The following PUM2 variants were observed in gnomAD, a reference collection of about 807,000 sequenced individuals.
PUM2 encodes pumilio RNA binding family member 2, also known as pumilio homolog 2.
PUM2 carries 57 observed loss-of-function variants against 124.5 expected under a neutral mutation model. The ratio of observed to expected loss-of-function variants is 0.46; its 90% CI spans 0.37 to 0.57. The LOEUF (loss-of-function observed/expected upper bound fraction) is 0.57, where lower values mean the gene tolerates loss of function less well. Among genes scored for constraint, PUM2 ranks in the 20% least tolerant of loss-of-function variants. The pLI is 0.00. For synonymous variants in PUM2, 460 were observed against 446.1 expected (o/e 1.03, Z -0.39); for missense variants, 1,065 against 1,290.6 (o/e 0.83, Z 2.68).
In PUM2 at chr2:20,350,760, C is replaced by T. The variant is rs1689218670; in HGVS notation, c.-182G>A. ...CACCCCACCTCCTCCTTCTCCTCCC[C>T]CTCCTCCTCCGAACCACCGAAGTAC... is the stretch of plus-strand genomic sequence containing the variant. On this transcript the variant is annotated 5_prime_UTR_variant, in exon 1 of 21. Transcript: ENST00000361078. 1.0e-6 allele frequency: 1 copy of T among 979,886 alleles called. No individual in the cohort carries two copies. Among genetic ancestry groups the T allele is most frequent in the Admixed American group, 6.2e-5 (1 of 16,038 alleles). 60.7% of individuals were successfully genotyped at this position (979,886 alleles called of 1,614,324 possible).
intron 12 of PUM2, among the ~76,000 whole-genome samples, chr2:20,280,263 A>G (rs1165909511): frequency 6.6e-6 from 1 of 152,130 alleles, no homozygotes; most frequent in East Asian, 1.9e-4. Flanking sequence ...CAGCCAATGC[A>G]GTTTCTGAGA....
intron 7 of PUM2, among the ~76,000 whole-genome samples, chr2:20,304,822 C>T (rs938576063): frequency 1.2e-4 from 18 of 152,090 alleles, no homozygotes; most frequent in Admixed American, 7.9e-4. Context: ...CTACATTTTG[C>T]AATATTTTGG....
chr2:20,349,516 T>G (rs1309927006), intron 1 of PUM2, among the ~76,000 whole-genome samples: 1 of 150,932 alleles, frequency 6.6e-6, no homozygotes, highest in Non-Finnish European at 1.5e-5. Context: ...ATACTCATTT[T>G]TGTTTTTTTT....
chr2:20,349,920 C>T (rs1012250266), intron 1 of PUM2, among the ~76,000 whole-genome samples: 3 of 152,200 alleles, frequency 2.0e-5, no homozygotes, highest in Admixed American at 2.0e-4. Flanking sequence ...ACAACACTAA[C>T]TTTTACACGT....
chr2:20,349,713 A>G (rs1688931482), intron 1 of PUM2, among the ~76,000 whole-genome samples: 1 of 152,204 alleles, frequency 6.6e-6, no homozygotes, highest in South Asian at 2.1e-4. Flanking sequence ...CACCGTTTAC[A>G]AGCATTTTTC....
chr2:20,266,222 A>G (rs1223506110), intron 13 of PUM2, among the ~76,000 whole-genome samples: 1 of 152,128 alleles, frequency 6.6e-6, no homozygotes, highest in Non-Finnish European at 1.5e-5. Flanking sequence ...GAAGGCACAT[A>G]GCTCGAGGTC....
chr2:20,349,891 TCTGG>T (rs1688968433), intron 1 of PUM2, among the ~76,000 whole-genome samples: 3 of 152,250 alleles, frequency 2.0e-5, no homozygotes. Flanking sequence ...GTAGGTTTTC[TCTGG>T]CTGTGTTTTC....
rs1684759944 is a variant in PUM2 at position 20,330,861 on chromosome 2, G to A, written c.-18-3483C>T. ...GCCCAAGCCCTCAATCTGTGTGTGAGAGCTGATGCTCTCTCCAGGGAGATA... is the reference window on the plus strand; with the variant it reads ...GCCCAAGCCCTCAATCTGTGTGTGAAAGCTGATGCTCTCTCCAGGGAGATA... On this transcript the variant is annotated intron_variant, in intron 1 of 20. Transcript: ENST00000361078. Among the ~76,000 whole-genome samples the A allele has an allele frequency of 1.3e-5, 2 of 152,196 alleles. 1 individual carries two copies. Among genetic ancestry groups the A allele is most frequent in the South Asian group, 4.1e-4 (2 of 4,826 alleles).
At chr2:20,252,015 CA>C (rs1483280329) in intron 20 of PUM2, among the ~76,000 whole-genome samples, 1 of 151,890 alleles carries the variant, frequency 6.6e-6, no homozygotes, top group African/African-American at 2.4e-5. Context: ...TTTATTCCAC[CA>C]AAAAAATTAC....
At chr2:20,307,352 T>TA (rs1240508910) in intron 7 of PUM2, among the ~76,000 whole-genome samples, 19 of 152,148 alleles carry the variant, frequency 1.2e-4, no homozygotes, top group Admixed American at 7.9e-4. Context: ...CATACAAACT[T>TA]AGACAAAATC....
chr2:20,309,706 G>GT (rs1301994529), intron 5 of PUM2, among the ~76,000 whole-genome samples: 1 of 152,180 alleles, frequency 6.6e-6, no homozygotes, highest in African/African-American at 2.4e-5. Context: ...GTAAATGGCA[G>GT]TAACTGTTCT....
intron 3 of PUM2, among the ~76,000 whole-genome samples, chr2:20,313,123 C>T (rs549832664): frequency 6.6e-6 from 1 of 152,250 alleles, no homozygotes; most frequent in Admixed American, 6.5e-5. Context: ...AGAAGGAAAC[C>T]TAGGCAATAC....
intron 1 of PUM2, among the ~76,000 whole-genome samples, chr2:20,328,942 C>T (rs371208268): frequency 6.6e-6 from 1 of 152,048 alleles, no homozygotes; most frequent in Admixed American, 6.5e-5. Flanking sequence ...GAAGCCGAGG[C>T]AGGTGGATTA....
At chr2:20,299,694 T>C (rs535489237) in intron 7 of PUM2, among the ~76,000 whole-genome samples, 1 of 152,058 alleles carries the variant, frequency 6.6e-6, no homozygotes, top group East Asian at 1.9e-4. Flanking sequence ...AACATGGTTT[T>C]AGAGAGTTTT....
At chr2:20,329,598 A>G (rs1684467985) in intron 1 of PUM2, among the ~76,000 whole-genome samples, 2 of 152,196 alleles carry the variant, frequency 1.3e-5, no homozygotes, top group Admixed American at 1.3e-4. Flanking sequence ...TTGGTACTAG[A>G]GCAGCTTTTG....
chr2:20,315,729 G>A (rs982326525), intron 3 of PUM2, among the ~76,000 whole-genome samples: 4 of 151,384 alleles, frequency 2.6e-5, no homozygotes, highest in African/African-American at 7.3e-5. Context: ...GGGAGGCTGA[G>A]GCAGGTGGAT....
intron 5 of PUM2, among the ~76,000 whole-genome samples, chr2:20,310,831 T>A (rs1047242801): frequency 6.6e-6 from 1 of 151,774 alleles, no homozygotes; most frequent in Admixed American, 6.6e-5. Context: ...AAGAAACAAC[T>A]CCCTAATATA....
At chr2:20,342,633 C>G (rs1687451379) in intron 1 of PUM2, among the ~76,000 whole-genome samples, 1 of 152,122 alleles carries the variant, frequency 6.6e-6, no homozygotes, top group African/African-American at 2.4e-5. Flanking sequence ...TAGGAAAACC[C>G]TAACTTACGG....
intron 13 of PUM2, among the ~76,000 whole-genome samples, chr2:20,272,397 T>G (rs1463056974): frequency 6.6e-6 from 1 of 152,202 alleles, no homozygotes; most frequent in African/African-American, 2.4e-5. Context: ...CCCCCTCATT[T>G]GGATATTCAA....
Sources: gnomAD v4.1 joint callset for allele counts (sites outside exome capture counted in the v4.1 genomes callset) on GRCh38, gnomAD v4.1.1 for gene constraint, MANE v1.5 for transcripts, NCBI Gene and HGNC (gene_info 2026-07-23, HGNC 2026-07-21) for gene names.